The following TFAP2A variants were observed in gnomAD, a reference collection of about 807,000 sequenced individuals.
TFAP2A encodes the protein transcription factor AP-2 alpha, also known as transcription factor AP-2-alpha.
TFAP2A carries 7 observed loss-of-function variants against 41.5 expected under a neutral mutation model. That is an observed-to-expected ratio of 0.17 (90% CI 0.10 to 0.32). The LOEUF (loss-of-function observed/expected upper bound fraction) is 0.32, where lower values mean the gene tolerates loss of function less well. TFAP2A is among the 10% of genes least tolerant of loss of function. TFAP2A has a pLI of 1.00. For synonymous variants in TFAP2A, 247 were observed against 242.8 expected (o/e 1.02, Z -0.16); for missense variants, 416 against 563.3 (o/e 0.74, Z 2.65).
chr6:10,412,797 C>T, intron 1 of TFAP2A: 2 of 194,038 alleles, frequency 1.0e-5, no homozygotes, highest in South Asian at 1.3e-4. Context: ...GGCGCCCTGC[C>T]CGGGACCGGC....
intron 1 of TFAP2A, chr6:10,411,709 G>C: frequency 1.9e-6 from 3 of 1,574,154 alleles, no homozygotes; most frequent in Non-Finnish European, 2.6e-6. Context: ...AGAGCCCCGC[G>C]CCACCCAGGA....
rs1227500007 is a variant in TFAP2A, at chr6:10,410,064, C to T, written c.323G>A (p.Gly108Glu). The T allele has an allele frequency of 2.5e-6, 4 of 1,612,936 alleles. No homozygotes were observed. The highest frequency in any genetic ancestry group is 4.5e-5 in the East Asian group (2 of 44,880). Reference protein sequence around the residue: ...WPGQRQSQESGLLHTHRGLPH... With the variant: ...WPGQRQSQESELLHTHRGLPH... ...CAGCCCCCGGTGCGTGTGCAGGAGC[C>T]CAGACTCCTGGCTCTGCCTCTGGCC... Residue 108 changes from glycine to glutamate, a missense_variant, in exon 2 of 7, where the codon GGG becomes GAG. Around this residue, in one of 3 missense-constraint regions of TFAP2A, gnomAD observed 241 missense variants for 274.1 expected, o/e 0.88. Transcript: ENST00000379613.
At chr6:10,407,134 G>A (rs990903073) in intron 2 of TFAP2A, 3 of 458,590 alleles carry the variant, frequency 6.5e-6, no homozygotes, top group African/African-American at 5.9e-5. Context: ...TCAAGTGTTG[G>A]AGCACCTAAT....
chr6:10,408,429 C>G (rs1045168518), intron 2 of TFAP2A, among the ~76,000 whole-genome samples: 1 of 152,186 alleles, frequency 6.6e-6, no homozygotes. Context: ...GTTCCAAAAG[C>G]TTGCAACATT....
intron 4 of TFAP2A, among the ~76,000 whole-genome samples, chr6:10,403,330 C>T (rs1219990980): frequency 6.6e-6 from 1 of 152,138 alleles, no homozygotes; most frequent in Non-Finnish European, 1.5e-5. Context: ...AGATTATACT[C>T]CCCTAGGTAA....
chr6:10,413,649 A>T (rs1012471440), intron 1 of TFAP2A, among the ~76,000 whole-genome samples: 1 of 152,228 alleles, frequency 6.6e-6, no homozygotes, highest in African/African-American at 2.4e-5. Context: ...GGGAAGAGCC[A>T]GTACCCGTGG....
chr6:10,413,183 G>A (rs1038918889), intron 1 of TFAP2A, among the ~76,000 whole-genome samples: 25 of 152,230 alleles, frequency 1.6e-4, no homozygotes, highest in Non-Finnish European at 3.1e-4. Flanking sequence ...ACTGCCCCAA[G>A]CCAGCTCCGA....
chr6:10,414,991 T>TGGATC lies in TFAP2A; in HGVS notation c.-5_-1dup. 6.2e-7 allele frequency: 1 copy of TGGATC among 1,614,150 alleles called. No homozygotes were observed. The highest frequency in any genetic ancestry group is 8.5e-7 in the Non-Finnish European group (1 of 1,180,042). On this transcript the variant is annotated 5_prime_UTR_variant, in exon 1 of 7. Coordinates refer to ENST00000379613, the MANE Select transcript of TFAP2A (RefSeq NM_001372066.1). The stretch of plus-strand genomic sequence containing the variant: ...TCCGTCAATTTCCAAAGCATTTTCA[T>TGGATC]GGATCGGCGTGAACGGATATGCCCC...
Position 10,398,273 on chromosome 6 carries a change from A to C in TFAP2A, c.*144T>G. On this transcript the variant is annotated 3_prime_UTR_variant, in exon 7 of 7. Coordinates refer to ENST00000379613, the MANE Select transcript of TFAP2A (RefSeq NM_001372066.1). This position sits in a 1 kb window ranked among gnomAD's most constrained non-coding sequence, Gnocchi z 5.3. ...AGTCCCGGAGACTCGGGGGGACCCA[A>C]GGGCAGCGGCGGCGGCGGCGGCGGC... 1 of 1,565,822 alleles carries C rather than the reference A, an allele frequency of 6.4e-7. No individual in the cohort carries two copies. Among genetic ancestry groups the C allele is most frequent in the Non-Finnish European group, 8.6e-7 (1 of 1,160,756 alleles).
Position 10,398,385 on chromosome 6 carries a change from A to T in TFAP2A, c.*32T>A. 1 of 1,041,470 alleles carries T rather than the reference A, an allele frequency of 9.6e-7. No individual in the cohort carries two copies. Among genetic ancestry groups the T allele is most frequent in the Non-Finnish European group, 1.2e-6 (1 of 823,642 alleles). 64.5% of individuals were successfully genotyped at this position (1,041,470 alleles called of 1,614,324 possible). On this transcript the variant is annotated 3_prime_UTR_variant, in exon 7 of 7. Coordinates refer to ENST00000379613, the MANE Select transcript of TFAP2A (RefSeq NM_001372066.1). The surrounding 1 kb of genome is among the most constrained non-coding windows in gnomAD (Gnocchi z 5.3). ...AGGGTGGGCGCGCGGGGGGCTGGTG[A>T]GGCGTGGGAGGGGCGGGGCGGGAGG...
At chr6:10,399,184 C>G (rs1761910349) in intron 6 of TFAP2A, among the ~76,000 whole-genome samples, 1 of 152,186 alleles carries the variant, frequency 6.6e-6, no homozygotes, top group Non-Finnish European at 1.5e-5. Context: ...AGAATGAAGT[C>G]CACACTCGTT....
upstream of TFAP2A, chr6:10,418,217 T>G (rs1398890714): frequency 6.6e-6 from 1 of 152,236 alleles, no homozygotes; most frequent in African/African-American, 2.4e-5. Context: ...TCACTCTTGA[T>G]AAAAGTAATA....
rs1189972431 is a variant in TFAP2A at position 10,398,301 on chromosome 6, C to CAGCAGCAGCAGT, written c.*104_*115dup. ...GCAGCGGCGGCGGCGGCGGCGGCAG[C>CAGCAGCAGCAGT]AGCAGCAGCAGTAGCAGCAGCAGGA... On this transcript the variant is annotated 3_prime_UTR_variant, in exon 7 of 7. Transcript: ENST00000379613. The surrounding 1 kb of genome is among the most constrained non-coding windows in gnomAD (Gnocchi z 5.3). 18 of 1,592,160 alleles carry CAGCAGCAGCAGT rather than the reference C, an allele frequency of 1.1e-5. No homozygotes were observed. Among genetic ancestry groups the CAGCAGCAGCAGT allele is most frequent in the Admixed American group, 6.8e-5 (4 of 58,710 alleles).
chr6:10,399,875 T>A (rs1761939295), intron 6 of TFAP2A, among the ~76,000 whole-genome samples: 1 of 151,916 alleles, frequency 6.6e-6, no homozygotes, highest in African/African-American at 2.4e-5. Context: ...GCCTGTGGGC[T>A]AAAACTTATG....
intron 2 of TFAP2A, chr6:10,407,058 C>T: frequency 1.7e-6 from 1 of 591,382 alleles, no homozygotes; most frequent in East Asian, 2.8e-5. Flanking sequence ...ATTTCTCCTC[C>T]TCCAGCAAAT....
At chr6:10,405,835 C>T (rs1046142573) in intron 3 of TFAP2A, 18 of 152,122 alleles carry the variant, frequency 1.2e-4, no homozygotes, top group African/African-American at 4.3e-4. Flanking sequence ...ATTAATAGCT[C>T]TGGGGAGGCT....
chr6:10,404,987 C>T, intron 3 of TFAP2A: 4 of 584,294 alleles, frequency 6.8e-6, no homozygotes, highest in Admixed American at 3.0e-5. Flanking sequence ...GCGTTTCTGC[C>T]TTGACCCTTT....
rs1757585139 is a variant in TFAP2A at position 10,404,388 on chromosome 6, T to C, written c.770+120A>G. ...ACGCTCTTCTCCCCGCCCCCTTTCC[T>C]TTCCCGCGTAGGGAGGGCCGCGGCG... is the stretch of plus-strand genomic sequence containing the variant. On this transcript the variant is annotated intron_variant, in intron 4 of 6. Coordinates refer to ENST00000379613, the MANE Select transcript of TFAP2A (RefSeq NM_001372066.1). 6 of 456,948 alleles carry C rather than the reference T, an allele frequency of 1.3e-5. No individual in the cohort carries two copies. The South Asian group carries it at 2.6e-4, about 20-fold the overall frequency. The allele number at this position is 456,948 out of a possible 1,614,324, so 28.3% of individuals were successfully genotyped here.
chr6:10,400,399 T>G, intron 6 of TFAP2A, 49 bp downstream of exon 6: 1 of 1,613,806 alleles, frequency 6.2e-7, no homozygotes, highest in Non-Finnish European at 8.5e-7. Flanking sequence ...TTTGTTTCTC[T>G]TTCTCTTGAC....
Sources: gnomAD v4.1 joint callset for allele counts (sites outside exome capture counted in the v4.1 genomes callset) on GRCh38, gnomAD v4.1.1 for gene constraint, gnomAD v4.1.1 regional missense constraint, Gnocchi (gnomAD v3.1) non-coding constraint, MANE v1.5 for transcripts, NCBI Gene and HGNC (gene_info 2026-07-23, HGNC 2026-07-21) for gene names.